The following CYB5R4 variants were observed in gnomAD, a reference collection of about 807,000 sequenced individuals.
The protein encoded by CYB5R4 is cytochrome b5 reductase 4, also known as N-terminal cytochrome b5 and cytochrome b5 oxidoreductase domain-containing protein.
A neutral mutation model predicts 70.2 loss-of-function variants in CYB5R4; 55 were observed. The observed-to-expected ratio is 0.78, with a 90% confidence interval of 0.63 to 0.98. CYB5R4 has a LOEUF of 0.98. Ranked by LOEUF, CYB5R4 falls within the 50% of genes least tolerant of loss-of-function variation. CYB5R4 has a pLI of 0.00. For synonymous variants in CYB5R4, 197 were observed against 199.5 expected, an observed-to-expected ratio of 0.99 and a Z score of 0.11; for missense variants, 562 against 612.6, an observed-to-expected ratio of 0.92 and a Z score of 0.87.
chr6:83,898,596 G>A (rs1272201626), intron 3 of CYB5R4, among the ~76,000 whole-genome samples: 2 of 152,214 alleles, frequency 1.3e-5, no homozygotes, highest in African/African-American at 4.8e-5. Flanking sequence ...CTACCCACGA[G>A]CATGGAATGT....
At chr6:83,907,536 T>C (rs1016038972) in intron 3 of CYB5R4, among the ~76,000 whole-genome samples, 2 of 152,058 alleles carry the variant, frequency 1.3e-5, no homozygotes, top group African/African-American at 4.8e-5. Context: ...GTTATATAGG[T>C]AAACTCATGT....
At chr6:83,952,381 A>G (rs1160248572) in intron 14 of CYB5R4, among the ~76,000 whole-genome samples, 1 of 152,142 alleles carries the variant, frequency 6.6e-6, no homozygotes, top group Non-Finnish European at 1.5e-5. Flanking sequence ...TACCATAGAT[A>G]TCTAGTGAAA....
chr6:83,867,014 T>A (rs900440204), intron 2 of CYB5R4, among the ~76,000 whole-genome samples: 9 of 152,214 alleles, frequency 5.9e-5, no homozygotes, highest in African/African-American at 2.2e-4. Flanking sequence ...TGTCTTTTTT[T>A]AAATCTTTTT....
chr6:83,866,478 A>G (rs1270076575), intron 2 of CYB5R4, among the ~76,000 whole-genome samples: 1 of 152,172 alleles, frequency 6.6e-6, no homozygotes, highest in African/African-American at 2.4e-5. Flanking sequence ...GAGCTCAAAA[A>G]GTTTCAGATT....
intron 10 of CYB5R4, among the ~76,000 whole-genome samples, chr6:83,933,288 C>T (rs1460791925): frequency 2.0e-5 from 3 of 152,098 alleles, no homozygotes; most frequent in Non-Finnish European, 2.9e-5. Flanking sequence ...TTGCATAAAG[C>T]GATATAGTCT....
chr6:83,924,872 TTC>T (rs2099467027), intron 10 of CYB5R4, among the ~76,000 whole-genome samples: 1 of 152,230 alleles, frequency 6.6e-6, no homozygotes, highest in Non-Finnish European at 1.5e-5. Context: ...ATCAACCATT[TTC>T]TCTTTCAGGT....
Position 83,955,284 on chromosome 6 carries a change from T to A in CYB5R4, c.1347-14T>A, listed in dbSNP as rs773022042. The A allele has an allele frequency of 4.4e-6, 7 of 1,575,820 alleles. No individual in the cohort carries two copies. The highest frequency in any genetic ancestry group is 3.4e-4 in the Middle Eastern group (2 of 5,852). The stretch of plus-strand genomic sequence containing the variant: ...AAATAATAAACTTTAAAAAGCTGTT[T>A]TTCTTTTCCCTAGACTGGATGTTGA... On this transcript the variant is annotated splice_polypyrimidine_tract_variant and intron_variant, in intron 14 of 15. Transcript: ENST00000369681.
intron 14 of CYB5R4, among the ~76,000 whole-genome samples, chr6:83,947,347 T>A (rs1167026161): frequency 6.6e-6 from 1 of 152,160 alleles, no homozygotes; most frequent in African/African-American, 2.4e-5. Flanking sequence ...GAAAAGTCAC[T>A]AGCCATATGC....
chr6:83,872,073 T>C (rs1176250950), intron 2 of CYB5R4, among the ~76,000 whole-genome samples: 1 of 152,254 alleles, frequency 6.6e-6, no homozygotes, highest in Admixed American at 6.5e-5. Flanking sequence ...TGCATCCTTA[T>C]ATTTCTAGAG....
intron 14 of CYB5R4, among the ~76,000 whole-genome samples, chr6:83,947,627 A>G (rs973726771): frequency 2.0e-5 from 3 of 152,202 alleles, no homozygotes; most frequent in African/African-American, 7.2e-5. Context: ...AATGGGAGAA[A>G]ATGTTTGCAA....
chr6:83,958,675 G>A (rs963567986), intron 15 of CYB5R4, among the ~76,000 whole-genome samples: 2 of 152,130 alleles, frequency 1.3e-5, no homozygotes, highest in Admixed American at 1.3e-4. Context: ...CAACTCCTGT[G>A]CCCTACTGGC....
chr6:83,931,459 T>G (rs1021799782), intron 10 of CYB5R4, among the ~76,000 whole-genome samples: 2 of 152,220 alleles, frequency 1.3e-5, no homozygotes, highest in African/African-American at 4.8e-5. Context: ...GTTTTCTGTT[T>G]TGGCCTTGTG....
In CYB5R4 at chr6:83,919,405, G is replaced by T. The variant is rs2099466009; in HGVS notation, c.515G>T (p.Trp172Leu). ...TTATTTATATTTTACAGCTATGATT[G>T]GTTCCAAACAGACTCTTTAGTCACC... ...KEGPSYPSYD[W>L]FQTDSLVTIA... Residue 172 changes from tryptophan to leucine, a missense_variant, in exon 7 of 16, where the codon TGG becomes TTG. Coordinates refer to ENST00000369681, the MANE Select transcript of CYB5R4 (RefSeq NM_016230.4). The T allele has an allele frequency of 2.0e-6, 3 of 1,497,078 alleles. No individual in the cohort carries two copies. Among genetic ancestry groups the T allele is most frequent in the Admixed American group, 2.0e-5 (1 of 50,562 alleles). The allele number at this position is 1,497,078 out of a possible 1,614,324, so 92.7% of individuals were successfully genotyped here. A position where few individuals can be genotyped will look rare whatever the true frequency, so the allele number is the denominator to read the frequency against.
chr6:83,879,140 C>T (rs1293148473), intron 2 of CYB5R4, among the ~76,000 whole-genome samples: 1 of 151,640 alleles, frequency 6.6e-6, no homozygotes, highest in Non-Finnish European at 1.5e-5. Flanking sequence ...TGCTTTTGTA[C>T]TTCCCCAAGG....
intron 3 of CYB5R4, among the ~76,000 whole-genome samples, chr6:83,899,850 C>G (rs1252568309): frequency 1.3e-5 from 2 of 152,020 alleles, no homozygotes; most frequent in Non-Finnish European, 1.5e-5. Flanking sequence ...TTTGATTCTT[C>G]TCTCTTTTCT....
intron 14 of CYB5R4, 31 bp downstream of exon 14, chr6:83,940,632 T>G (rs756564669): frequency 1.9e-6 from 3 of 1,581,542 alleles, no homozygotes; most frequent in Admixed American, 3.8e-5. Context: ...CTGCGTTTAG[T>G]TATTTATACC....
At chr6:83,868,945 G>T (rs1055880862) in intron 2 of CYB5R4, among the ~76,000 whole-genome samples, 4 of 152,164 alleles carry the variant, frequency 2.6e-5, no homozygotes, top group African/African-American at 9.7e-5. Context: ...TGAATAAATG[G>T]TATTTCAAAA....
rs567919034 is a variant in CYB5R4 at position 83,932,348 on chromosome 6, T to C, written c.815-2247T>C. 1.8e-4 allele frequency among the ~76,000 whole-genome samples: 28 copies of C among 152,326 alleles called. No individual in the cohort carries two copies. The South Asian group carries it at 5.6e-3, about 30-fold the overall frequency. On this transcript the variant is annotated intron_variant, in intron 10 of 15. Transcript: ENST00000369681. ...TAAATCACTGTAACCCAGGATTTCC[T>C]TGTGTTTTAAATATCATTGGAGAGT...
At chr6:83,863,101 A>G (rs1339933664) in intron 1 of CYB5R4, among the ~76,000 whole-genome samples, 1 of 152,268 alleles carries the variant, frequency 6.6e-6, no homozygotes, top group Non-Finnish European at 1.5e-5. Flanking sequence ...TGTTCTGGTC[A>G]AAGTACTAAT....
Sources: gnomAD v4.1 joint callset for allele counts (sites outside exome capture counted in the v4.1 genomes callset) on GRCh38, gnomAD v4.1.1 for gene constraint, MANE v1.5 for transcripts, NCBI Gene and HGNC (gene_info 2026-07-23, HGNC 2026-07-21) for gene names.